NBAS: variants seen among roughly 807,000 people sequenced by gnomAD.
NBAS encodes the protein NBAS subunit of NRZ tethering complex.
Under a neutral mutation model 302.5 loss-of-function variants are expected in NBAS, and 219 were observed. The ratio of observed to expected loss-of-function variants is 0.72; its 90% CI spans 0.65 to 0.81. NBAS has a LOEUF of 0.81. Among genes scored for constraint, NBAS ranks in the 30% least tolerant of loss-of-function variants. The probability of loss-of-function intolerance (pLI) is 0.00; values close to 1 mark genes in which losing one functional copy is unlikely to be tolerated. For synonymous variants in NBAS, 1,118 were observed against 1,021.6 expected, an observed-to-expected ratio of 1.09 and a Z score of -1.80; for missense variants, 2,932 against 2,841.6, an observed-to-expected ratio of 1.03 and a Z score of -0.72.
chr2:15,123,295 T>C, the NBAS span, among the ~76,000 whole-genome samples: 1 of 152,158 alleles, frequency 6.6e-6, no homozygotes. Context: ...ATTTCCTGCT[T>C]TCTAGCATCT....
At chr2:15,253,541 C>T (rs1375337433) in intron 44 of NBAS, among the ~76,000 whole-genome samples, 1 of 152,134 alleles carries the variant, frequency 6.6e-6, no homozygotes, top group African/African-American at 2.4e-5. Flanking sequence ...ACAAAGCCTT[C>T]CAACAGGGAC....
At chr2:15,089,068 C>A in the NBAS span, among the ~76,000 whole-genome samples, 1 of 152,300 alleles carries the variant, frequency 6.6e-6, no homozygotes, top group South Asian at 2.1e-4. Flanking sequence ...GGTTCTCCCA[C>A]AAATCCTTCA....
chr2:15,426,638 A>C (rs1479229767), intron 22 of NBAS, among the ~76,000 whole-genome samples: 2 of 152,186 alleles, frequency 1.3e-5, no homozygotes, highest in African/African-American at 2.4e-5. Flanking sequence ...AATGCTATTG[A>C]TATTTCACAA....
chr2:15,381,448 G>A (rs1158624122), intron 29 of NBAS, among the ~76,000 whole-genome samples: 1 of 152,126 alleles, frequency 6.6e-6, no homozygotes, highest in Non-Finnish European at 1.5e-5. Context: ...CCCGTGGACA[G>A]AAGTCATTAA....
chr2:15,280,652 G>A (rs2148069743), intron 42 of NBAS, among the ~76,000 whole-genome samples: 1 of 152,314 alleles, frequency 6.6e-6, no homozygotes, highest in East Asian at 1.9e-4. Flanking sequence ...CAATGAAGCT[G>A]ATATTTTCAC....
chr2:14,992,215 A>G, the NBAS span, among the ~76,000 whole-genome samples: 1 of 152,194 alleles, frequency 6.6e-6, no homozygotes, highest in Non-Finnish European at 1.5e-5. Context: ...ATCCCTCCCA[A>G]GTCCTAGTGG....
rs990475069 is a variant in NBAS, at chr2:15,458,885, T to G, written c.2339+2316A>C. Among the ~76,000 whole-genome samples, 39 of 152,222 alleles carry G rather than the reference T, an allele frequency of 2.6e-4. 1 individual carries two copies. On this transcript the variant is annotated intron_variant, in intron 21 of 51. Transcript: ENST00000281513. ...AAATGTGTTTGAAAACAAGCTAACTTAAGAACTCATAAGAAATCAGTCTCT... is the reference window on the plus strand; with the variant it reads ...AAATGTGTTTGAAAACAAGCTAACTGAAGAACTCATAAGAAATCAGTCTCT...
the NBAS span, among the ~76,000 whole-genome samples, chr2:15,016,062 G>T: frequency 1.3e-5 from 2 of 151,948 alleles, no homozygotes; most frequent in Non-Finnish European, 2.9e-5. Flanking sequence ...TTGTATATTA[G>T]TTCATTTTCA....
At chr2:15,498,292 T>C (rs191259714) in intron 11 of NBAS, among the ~76,000 whole-genome samples, 72 of 152,306 alleles carry the variant, frequency 4.7e-4, no homozygotes, top group African/African-American at 1.7e-3. Context: ...TTCTAATCTA[T>C]AAAATTTGGA....
the NBAS span, among the ~76,000 whole-genome samples, chr2:14,818,469 C>T: frequency 6.6e-6 from 1 of 152,154 alleles, no homozygotes; most frequent in Non-Finnish European, 1.5e-5. Flanking sequence ...AATTGACTTG[C>T]CCAGAATCAC....
intron 40 of NBAS, among the ~76,000 whole-genome samples, chr2:15,294,284 A>G (rs1312610594): frequency 6.6e-6 from 1 of 152,244 alleles, no homozygotes; most frequent in Non-Finnish European, 1.5e-5. Context: ...TAACGAGGGC[A>G]GCAAAAAACA....
the NBAS span, among the ~76,000 whole-genome samples, chr2:14,855,026 G>A: frequency 2.0e-5 from 3 of 152,054 alleles, no homozygotes; most frequent in African/African-American, 7.2e-5. Context: ...CCACCTGCTA[G>A]AGGAGAAAAG....
the NBAS span, among the ~76,000 whole-genome samples, chr2:15,037,756 C>T: frequency 6.6e-6 from 1 of 152,142 alleles, no homozygotes; most frequent in African/African-American, 2.4e-5. Context: ...TGTCTGCACA[C>T]TCTTTGATCC....
intron 11 of NBAS, among the ~76,000 whole-genome samples, chr2:15,497,907 A>G (rs1222118096): frequency 6.6e-6 from 1 of 152,178 alleles, no homozygotes; most frequent in Non-Finnish European, 1.5e-5. Context: ...TTACTATAGT[A>G]TACTCCCATG....
the NBAS span, among the ~76,000 whole-genome samples, chr2:14,843,985 C>T: frequency 8.9e-4 from 136 of 152,124 alleles, no homozygotes; most frequent in Non-Finnish European, 1.5e-3. Flanking sequence ...AGGACTGCAA[C>T]TTCTGTGTGA....
intron 21 of NBAS, among the ~76,000 whole-genome samples, chr2:15,439,226 C>T (rs79012964): frequency 5.3e-5 from 8 of 150,764 alleles, no homozygotes; most frequent in Middle Eastern, 3.4e-3. Flanking sequence ...TGGCGTGAAC[C>T]GGGAGGTGGG....
chr2:15,282,241 C>T (rs570119355), intron 42 of NBAS, among the ~76,000 whole-genome samples: 77 of 152,236 alleles, frequency 5.1e-4, no homozygotes, highest in Non-Finnish European at 8.1e-4. Flanking sequence ...TCTCTATTAA[C>T]CACTCTCACA....
chr2:15,330,435 TAA>T (rs1296897034), intron 36 of NBAS, among the ~76,000 whole-genome samples, 161 bp downstream of exon 36: 1 of 152,226 alleles, frequency 6.6e-6, no homozygotes, highest in Non-Finnish European at 1.5e-5. Flanking sequence ...TTACATTCTA[TAA>T]AAGAGATTAC....
the NBAS span, among the ~76,000 whole-genome samples, chr2:15,035,115 GGT>G: frequency 3.4e-5 from 5 of 145,194 alleles, no homozygotes; most frequent in African/African-American, 1.3e-4. Context: ...GGGAGTGTGG[GGT>G]TTTTTTTTTT....
Sources: gnomAD v4.1 joint callset for allele counts (sites outside exome capture counted in the v4.1 genomes callset) on GRCh38, gnomAD v4.1.1 for gene constraint, MANE v1.5 for transcripts, NCBI Gene and HGNC (gene_info 2026-07-23, HGNC 2026-07-21) for gene names.